The following KIAA1217 variants were observed in gnomAD, a reference collection of about 807,000 sequenced individuals.
KIAA1217 encodes the protein KIAA1217.
In KIAA1217, 88 loss-of-function variants were observed where a neutral mutation model predicts 163.9. That is an observed-to-expected ratio of 0.54 (90% confidence interval 0.45 to 0.64). KIAA1217 has a LOEUF of 0.64. Ranked by LOEUF, KIAA1217 falls within the 30% of genes least tolerant of loss-of-function variation. KIAA1217 has a pLI of 0.00. For missense variants in KIAA1217, 2,372 were observed against 2,475.0 expected, an observed-to-expected ratio of 0.96 and a Z score of 0.88; for synonymous variants, 903 against 923.1, an observed-to-expected ratio of 0.98 and a Z score of 0.39.
intron 2 of KIAA1217, among the ~76,000 whole-genome samples, chr10:24,125,647 A>G (rs917327088): frequency 6.6e-6 from 1 of 152,054 alleles, no homozygotes; most frequent in African/African-American, 2.4e-5. Context: ...ACTACTCACC[A>G]TAGGACCCCA....
intron 2 of KIAA1217, among the ~76,000 whole-genome samples, chr10:24,103,581 C>T (rs79127647): frequency 0.024 from 3,595 of 152,132 alleles, 137 homozygotes; most frequent in African/African-American, 0.082. Flanking sequence ...TAAAAGTGGG[C>T]CAAAGGACTT....
In KIAA1217 at chr10:24,460,172, C is replaced by A. The variant is rs11014098; in HGVS notation, c.847-13056C>A. Among the ~76,000 whole-genome samples the A allele has an allele frequency of 1.4e-3, 214 of 152,302 alleles. 1 individual carries two copies. The highest frequency in any genetic ancestry group is 2.7e-3 in the Non-Finnish European group (184 of 68,020). On this transcript the variant is annotated intron_variant, in intron 5 of 20. Transcript: ENST00000376454. The stretch of plus-strand genomic sequence containing the variant: ...GCAGATGGGTTTTCAAAGCTATACT[C>A]ATTTAATTTATAAACCTGGAACCTC...
intron 4 of KIAA1217, among the ~76,000 whole-genome samples, chr10:24,434,948 G>A (rs1056312172): frequency 6.6e-6 from 1 of 152,140 alleles, no homozygotes; most frequent in Non-Finnish European, 1.5e-5. Flanking sequence ...TGATTTCTTC[G>A]AATGTTCCCT....
At chr10:24,461,780 A>T (rs192436335) in intron 5 of KIAA1217, among the ~76,000 whole-genome samples, 70 of 152,370 alleles carry the variant, frequency 4.6e-4, no homozygotes, top group Middle Eastern at 3.4e-3. Flanking sequence ...TCCTAAAGTT[A>T]TATAATGCTC....
At chr10:24,497,543 G>T (rs1408719811) in intron 8 of KIAA1217, among the ~76,000 whole-genome samples, 7 of 151,794 alleles carry the variant, frequency 4.6e-5, no homozygotes, top group African/African-American at 1.5e-4. Flanking sequence ...GACCAGCCTG[G>T]GCAATATTGC....
At chr10:24,204,252 T>G (rs2067425668), upstream of KIAA1217, among the ~76,000 whole-genome samples, 1 of 152,098 alleles carries the variant, frequency 6.6e-6, no homozygotes, top group African/African-American at 2.4e-5. Context: ...CACTGGAATT[T>G]TAAGGACTTT....
chr10:24,328,396 C>T (rs1421456835), intron 2 of KIAA1217, among the ~76,000 whole-genome samples: 1 of 151,992 alleles, frequency 6.6e-6, no homozygotes, highest in Non-Finnish European at 1.5e-5. Flanking sequence ...TGAGTGTCAG[C>T]TTCTTGATGC....
chr10:24,436,541 G>A (rs1395437847), intron 4 of KIAA1217, among the ~76,000 whole-genome samples: 3 of 151,118 alleles, frequency 2.0e-5, no homozygotes, highest in Non-Finnish European at 2.9e-5. Context: ...GGCGGATCAC[G>A]AGGTCAGGAG....
chr10:24,138,445 C>G (rs372854207), intron 2 of KIAA1217, among the ~76,000 whole-genome samples: 2 of 152,048 alleles, frequency 1.3e-5, no homozygotes, highest in Non-Finnish European at 2.9e-5. Context: ...ACTGAGCTGG[C>G]CTGTATATAT....
chr10:24,449,823 C>T lies in KIAA1217; in HGVS notation c.846+11344C>T, dbSNP rs1459479416. On this transcript the variant is annotated intron_variant, in intron 5 of 20. Coordinates refer to ENST00000376454, the MANE Select transcript of KIAA1217 (RefSeq NM_019590.5). ...TTTAGAATCTTTTTTCATGCTCTGG[C>T]ACGTTTATCTTTCATTAACTTGTCT... 7 of 842,318 alleles carry T rather than the reference C, an allele frequency of 8.3e-6. No homozygotes were observed. In the African/African-American group the frequency reaches 1.1e-4, roughly 13 times the overall value. 52.2% of individuals were successfully genotyped at this position (842,318 alleles called of 1,614,324 possible). A position where few individuals can be genotyped will look rare whatever the true frequency, so the allele number is the denominator to read the frequency against.
intron 1 of KIAA1217, among the ~76,000 whole-genome samples, chr10:23,963,980 G>T (rs576303054): frequency 1.7e-4 from 26 of 149,124 alleles, no homozygotes; most frequent in African/African-American, 3.0e-4. Flanking sequence ...TGCAACCTCC[G>T]CCACCCAGGT....
In KIAA1217 at chr10:24,521,926, G is replaced by GCACAC; in HGVS notation, c.2453_2454insCACAC (p.Arg819ThrfsTer10). ...ATGACAGACGTCCTGACCATGCTGC[G>GCACAC]GAGGTGACCGGGCCCTCATCGTGCT... On this transcript the variant is annotated frameshift_variant, in exon 12 of 21. Transcript: ENST00000376454. LOFTEE classifies it high-confidence loss of function. The GCACAC allele has an allele frequency of 6.2e-7, 1 of 1,605,754 alleles. No homozygotes were observed. Among genetic ancestry groups the GCACAC allele is most frequent in the Non-Finnish European group, 8.5e-7 (1 of 1,175,536 alleles).
intron 1 of KIAA1217, among the ~76,000 whole-genome samples, chr10:23,934,587 AT>A (rs1236811091): frequency 1.7e-5 from 1 of 60,354 alleles, no homozygotes; most frequent in Admixed American, 1.9e-4. Context: ...ATATATATAT[AT>A]ATGTATATAT....
At chr10:23,834,798 C>T (rs1313766392) in intron 1 of KIAA1217, among the ~76,000 whole-genome samples, 1 of 152,060 alleles carries the variant, frequency 6.6e-6, no homozygotes, top group Non-Finnish European at 1.5e-5. Flanking sequence ...GATTGGTTGC[C>T]ATTTACTAAG....
At position 24,258,759 on chromosome 10, in the gene KIAA1217, A is replaced by AT. The variant is rs576024382; in HGVS notation, c.354+38856dup. Reference sequence around the variant, plus strand: ...AGGCGCCCGCCACCAAGCCCGGCTAATTTTTTGTATTTTTTAGTAGAGACG... The same window carrying AT: ...AGGCGCCCGCCACCAAGCCCGGCTAATTTTTTTGTATTTTTTAGTAGAGACG... On this transcript the variant is annotated intron_variant, in intron 2 of 20. Transcript: ENST00000376454. Among the ~76,000 whole-genome samples the AT allele has an allele frequency of 7.9e-5, 12 of 151,920 alleles. No individual in the cohort carries two copies. The South Asian group carries it at 2.5e-3, about 32-fold the overall frequency.
chr10:23,919,473 G>T (rs73604435), intron 1 of KIAA1217, among the ~76,000 whole-genome samples: 12,254 of 151,874 alleles, frequency 0.081, 1,322 homozygotes, highest in African/African-American at 0.25. Context: ...GGGTGCAGTG[G>T]CATGTGTCTG....
intron 12 of KIAA1217, among the ~76,000 whole-genome samples, chr10:24,523,606 G>A (rs527373905): frequency 6.6e-6 from 1 of 152,120 alleles, no homozygotes; most frequent in Admixed American, 6.5e-5. Context: ...TAGTCCTAAC[G>A]ACAGGTCCTG....
intron 1 of KIAA1217, among the ~76,000 whole-genome samples, chr10:23,869,391 A>G (rs1046820955): frequency 2.0e-5 from 3 of 151,874 alleles, no homozygotes; most frequent in African/African-American, 7.3e-5. Context: ...AAGTCAACAG[A>G]CTTGTTTCAA....
At chr10:24,019,294 G>T (rs1335326792) in intron 2 of KIAA1217, among the ~76,000 whole-genome samples, 1 of 151,562 alleles carries the variant, frequency 6.6e-6, no homozygotes, top group Non-Finnish European at 1.5e-5. Context: ...TCAAAACATT[G>T]TTATATACCA....
Sources: gnomAD v4.1 joint callset for allele counts (sites outside exome capture counted in the v4.1 genomes callset) on GRCh38, gnomAD v4.1.1 for gene constraint, MANE v1.5 for transcripts, NCBI Gene and HGNC (gene_info 2026-07-23, HGNC 2026-07-21) for gene names.